NCOR1: variants seen among roughly 807,000 people sequenced by gnomAD.
NCOR1 encodes protein phosphatase 1, regulatory subunit 109.
Under a neutral mutation model 288.1 loss-of-function variants are expected in NCOR1, and 63 were observed. The observed-to-expected ratio is 0.22, with a 90% CI of 0.18 to 0.27. The LOEUF (loss-of-function observed/expected upper bound fraction) is 0.27, where lower values mean the gene tolerates loss of function less well. Among genes scored for constraint, NCOR1 ranks in the 10% least tolerant of loss-of-function variants. The probability of loss-of-function intolerance (pLI) is 1.00; values close to 1 mark genes in which losing one functional copy is unlikely to be tolerated. For missense variants in NCOR1, 2,397 were observed against 3,019.2 expected, an observed-to-expected ratio of 0.79 and a Z score of 4.83; for synonymous variants, 1,007 against 1,065.9, an observed-to-expected ratio of 0.94 and a Z score of 1.08.
chr17:16,158,964 T>C (rs1036915677), intron 5 of NCOR1, 91 bp from the exon 6 acceptor site: 1 of 765,734 alleles, frequency 1.3e-6, no homozygotes. Context: ...CTACTAAGCT[T>C]TGCTTGCAGA....
At chr17:16,087,141 A>C (rs1419601880) in intron 22 of NCOR1, 1 of 1,293,352 alleles carries the variant, frequency 7.7e-7, no homozygotes, top group Admixed American at 2.3e-5. Flanking sequence ...GTGGATGGCC[A>C]GCAGCCACTG....
intron 37 of NCOR1, among the ~76,000 whole-genome samples, chr17:16,060,563 G>C (rs1330803144): frequency 6.6e-6 from 1 of 152,100 alleles, no homozygotes; most frequent in Non-Finnish European, 1.5e-5. Context: ...CTCTCTAAAA[G>C]CCTCAGCAAT....
At chr17:16,191,643 T>A (rs923500710) in intron 2 of NCOR1, among the ~76,000 whole-genome samples, 1 of 151,464 alleles carries the variant, frequency 6.6e-6, no homozygotes, top group East Asian at 1.9e-4. Context: ...TCCAGTGAAC[T>A]GTGGAATAAC....
chr17:16,073,646 G>A (rs1357657156), intron 27 of NCOR1, 77 bp from the exon 28 acceptor site: 27 of 1,161,292 alleles, frequency 2.3e-5, no homozygotes, highest in Non-Finnish European at 3.1e-5. Context: ...TAGTTTCATA[G>A]TCTATCTTAT....
chr17:16,130,471 T>C (rs1049807430), intron 14 of NCOR1, among the ~76,000 whole-genome samples: 1 of 152,106 alleles, frequency 6.6e-6, no homozygotes, highest in African/African-American at 2.4e-5. Context: ...TCGCAATGGC[T>C]CGTTGTCCAG....
chr17:16,172,780 G>GT (rs1321035000), intron 3 of NCOR1, among the ~76,000 whole-genome samples: 1 of 152,096 alleles, frequency 6.6e-6, no homozygotes, highest in Non-Finnish European at 1.5e-5. Context: ...AGTCCTGCTC[G>GT]TGAGTGCTCA....
intron 1 of NCOR1, among the ~76,000 whole-genome samples, chr17:16,204,173 G>A (rs1270692572): frequency 5.9e-5 from 9 of 152,052 alleles, no homozygotes; most frequent in Non-Finnish European, 5.9e-5. Context: ...AGACCAATCA[G>A]AAATAGTCCC....
intron 26 of NCOR1, among the ~76,000 whole-genome samples, chr17:16,079,531 T>A (rs1391830516): frequency 6.6e-6 from 1 of 152,208 alleles, no homozygotes; most frequent in Non-Finnish European, 1.5e-5. Context: ...GTTAATACCA[T>A]CCACATTTCC....
intron 15 of NCOR1, among the ~76,000 whole-genome samples, chr17:16,122,947 G>C (rs777946947): frequency 6.6e-6 from 1 of 152,082 alleles, no homozygotes; most frequent in Non-Finnish European, 1.5e-5. Flanking sequence ...TTCATACGGG[G>C]ATTTCCCAAG....
At chr17:16,180,336 T>C (rs2085141530) in intron 3 of NCOR1, among the ~76,000 whole-genome samples, 1 of 152,162 alleles carries the variant, frequency 6.6e-6, no homozygotes, top group Non-Finnish European at 1.5e-5. Flanking sequence ...GGAATGTAGA[T>C]TGTTATAGCC....
chr17:16,159,211 C>T (rs985719402), intron 5 of NCOR1, among the ~76,000 whole-genome samples: 11 of 151,872 alleles, frequency 7.2e-5, no homozygotes, highest in Admixed American at 4.6e-4. Flanking sequence ...GTCGGGAGTT[C>T]GAGACCAGCC....
intron 22 of NCOR1, among the ~76,000 whole-genome samples, chr17:16,090,081 A>T (rs2152894780): frequency 6.6e-6 from 1 of 152,180 alleles, no homozygotes; most frequent in South Asian, 2.1e-4. Flanking sequence ...TAACACAGAG[A>T]AATACAATTC....
chr17:16,125,156 G>T (rs1482955212), intron 15 of NCOR1, among the ~76,000 whole-genome samples: 1 of 152,146 alleles, frequency 6.6e-6, no homozygotes, highest in African/African-American at 2.4e-5. Context: ...CTGAGGTCAG[G>T]AGTTCAAGAT....
intron 2 of NCOR1, among the ~76,000 whole-genome samples, chr17:16,188,060 G>A (rs892667642): frequency 6.6e-5 from 10 of 152,162 alleles, no homozygotes; most frequent in Middle Eastern, 3.2e-3. Context: ...AAATCAGGTA[G>A]TGGTGATAGC....
chr17:16,156,853 C>T (rs766802177), intron 6 of NCOR1, among the ~76,000 whole-genome samples: 8 of 151,994 alleles, frequency 5.3e-5, no homozygotes, highest in Admixed American at 1.3e-4. Context: ...GTATTCAGTC[C>T]TCAAATCCCA....
rs1269927181 is a variant in NCOR1, at chr17:16,197,491, C to A, written c.-70-2852G>T. Among the ~76,000 whole-genome samples, 18 of 152,158 alleles carry A rather than the reference C, an allele frequency of 1.2e-4. No homozygotes were observed. In the East Asian group the frequency reaches 3.5e-3, roughly 29 times the overall value. The stretch of plus-strand genomic sequence containing the variant: ...ACCCTCAGCCTGTTTTTTCCCTGCT[C>A]CCTTCCTGAGGCATGGAGATCAGCA... On this transcript the variant is annotated intron_variant, in intron 1 of 45. Coordinates refer to ENST00000268712, the MANE Select transcript of NCOR1 (RefSeq NM_006311.4).
At chr17:16,056,855 T>G (rs562085032) in intron 40 of NCOR1, 1 of 151,786 alleles carries the variant, frequency 6.6e-6, no homozygotes, top group South Asian at 2.1e-4. Flanking sequence ...AAAATATATA[T>G]GTGTGTGTGT....
intron 2 of NCOR1, among the ~76,000 whole-genome samples, chr17:16,190,023 G>C (rs1395065369): frequency 3.9e-5 from 6 of 152,098 alleles, no homozygotes. Context: ...TGAGGCCAGG[G>C]TTTTGATATC....
At chr17:16,127,552 C>CACGTGTATATATGTATGTATATATACAT (rs1599048341) in intron 14 of NCOR1, among the ~76,000 whole-genome samples, 1 of 120,600 alleles carries the variant, frequency 8.3e-6, no homozygotes, top group African/African-American at 3.7e-5. Flanking sequence ...TATATATACA[C>CACGTGTATATATGTATGTATATATACAT]ATGTGTATAT....
Sources: gnomAD v4.1 joint callset for allele counts (sites outside exome capture counted in the v4.1 genomes callset) on GRCh38, gnomAD v4.1.1 for gene constraint, MANE v1.5 for transcripts, NCBI Gene and HGNC (gene_info 2026-07-23, HGNC 2026-07-21) for gene names.